GABRB1: variants seen among roughly 807,000 people sequenced by gnomAD.
GABRB1 encodes the protein gamma-aminobutyric acid type A receptor subunit beta1, also known as gamma-aminobutyric acid receptor subunit beta-1.
Under a neutral mutation model 51.6 loss-of-function variants are expected in GABRB1, and 17 were observed. The observed-to-expected ratio is 0.33, with a 90% CI of 0.23 to 0.49. The LOEUF is 0.49. GABRB1 is among the 20% of genes least tolerant of loss of function. GABRB1 has a pLI of 0.99. For synonymous variants in GABRB1, 247 were observed against 218.9 expected, an observed-to-expected ratio of 1.13 and a Z score of -1.14; for missense variants, 410 against 600.6, an observed-to-expected ratio of 0.68 and a Z score of 3.32.
At chr4:47,339,341 T>C (rs1180159830) in intron 5 of GABRB1, among the ~76,000 whole-genome samples, 1 of 152,204 alleles carries the variant, frequency 6.6e-6, no homozygotes, top group Admixed American at 6.5e-5. Context: ...AAACCAGGCA[T>C]TGAGCTGTTG....
chr4:47,283,677 C>A (rs967677550), intron 4 of GABRB1, among the ~76,000 whole-genome samples: 5 of 151,780 alleles, frequency 3.3e-5, no homozygotes, highest in Admixed American at 3.3e-4. Context: ...CTTGAGCCAC[C>A]GCACCCGGCC....
chr4:47,367,975 CTAAG>C (rs1669053975), intron 5 of GABRB1, among the ~76,000 whole-genome samples: 2 of 152,142 alleles, frequency 1.3e-5, no homozygotes, highest in African/African-American at 4.8e-5. Context: ...CAATATCTGC[CTAAG>C]TATCTATCGC....
intron 3 of GABRB1, among the ~76,000 whole-genome samples, chr4:47,123,882 A>T (rs1577929243): frequency 2.6e-5 from 2 of 77,322 alleles, no homozygotes; most frequent in African/African-American, 8.8e-5. Flanking sequence ...TCTTATATAT[A>T]ATATATATAA....
intron 1 of GABRB1, among the ~76,000 whole-genome samples, chr4:47,010,810 T>C (rs888558083): frequency 6.6e-6 from 1 of 152,216 alleles, no homozygotes; most frequent in African/African-American, 2.4e-5. Flanking sequence ...AGGACAATGA[T>C]AGTGCCTATT....
intron 4 of GABRB1, among the ~76,000 whole-genome samples, chr4:47,222,816 C>G (rs975529635): frequency 6.6e-6 from 1 of 152,120 alleles, no homozygotes; most frequent in Non-Finnish European, 1.5e-5. Context: ...TATTCCTCAT[C>G]TATAATTTTA....
intron 5 of GABRB1, among the ~76,000 whole-genome samples, chr4:47,378,078 C>T (rs996913609): frequency 4.6e-5 from 7 of 152,184 alleles, no homozygotes; most frequent in Non-Finnish European, 1.0e-4. Context: ...TGGGACTGGG[C>T]GCCGTAGAGC....
intron 4 of GABRB1, among the ~76,000 whole-genome samples, chr4:47,246,333 TGTAC>T (rs1332417219): frequency 1.3e-3 from 65 of 50,976 alleles, no homozygotes; most frequent in Admixed American, 3.0e-3. Flanking sequence ...CACACACATA[TGTAC>T]ATATATATAT....
chr4:47,414,623 A>G (rs1252685882), intron 8 of GABRB1, among the ~76,000 whole-genome samples: 1 of 152,176 alleles, frequency 6.6e-6, no homozygotes, highest in Non-Finnish European at 1.5e-5. Flanking sequence ...CACAATACCA[A>G]ATATGCAGTT....
intron 4 of GABRB1, among the ~76,000 whole-genome samples, chr4:47,276,734 A>C (rs1339813954): frequency 6.6e-6 from 1 of 152,112 alleles, no homozygotes; most frequent in Non-Finnish European, 1.5e-5. Context: ...CTTTGGCACT[A>C]TTGATATTTT....
At chr4:47,155,583 G>A (rs1431446644) in intron 3 of GABRB1, among the ~76,000 whole-genome samples, 1 of 151,914 alleles carries the variant, frequency 6.6e-6, no homozygotes, top group African/African-American at 2.4e-5. Context: ...TATGGGGGCA[G>A]TGAACAAGGG....
intron 5 of GABRB1, among the ~76,000 whole-genome samples, chr4:47,329,760 T>C (rs1725399358): frequency 1.3e-5 from 2 of 149,938 alleles, no homozygotes; most frequent in African/African-American, 2.4e-5. Context: ...GTATATATTA[T>C]ATACCAATAC....
At chr4:47,112,988 GT>G (rs1472204574) in intron 3 of GABRB1, among the ~76,000 whole-genome samples, 10 of 151,874 alleles carry the variant, frequency 6.6e-5, no homozygotes, top group African/African-American at 2.2e-4. Flanking sequence ...TAATTTTTAT[GT>G]GTCTACTTCT....
At chr4:47,160,491 T>A (rs926642440) in intron 3 of GABRB1, among the ~76,000 whole-genome samples, 5 of 152,142 alleles carry the variant, frequency 3.3e-5, no homozygotes, top group Non-Finnish European at 7.4e-5. Context: ...CAAAAGAATT[T>A]GGGGTGTGAA....
intron 4 of GABRB1, among the ~76,000 whole-genome samples, chr4:47,298,412 G>A (rs372197355): frequency 3.3e-5 from 5 of 152,088 alleles, no homozygotes; most frequent in Admixed American, 6.6e-5. Context: ...AAATCAATGT[G>A]CAAAAATCAC....
chr4:47,396,257 C>CA (rs1728177977), intron 5 of GABRB1, among the ~76,000 whole-genome samples: 1 of 152,066 alleles, frequency 6.6e-6, no homozygotes, highest in Non-Finnish European at 1.5e-5. Flanking sequence ...TTCCCCTTAT[C>CA]AAACCATCAG....
intron 8 of GABRB1, among the ~76,000 whole-genome samples, chr4:47,421,205 C>T (rs546372985): frequency 1.7e-4 from 25 of 151,246 alleles, no homozygotes; most frequent in African/African-American, 5.1e-4. Context: ...AGCTCAGTGA[C>T]GGAGAATACT....
chr4:47,294,666 C>G (rs113735644), intron 4 of GABRB1, among the ~76,000 whole-genome samples: 1 of 152,254 alleles, frequency 6.6e-6, no homozygotes, highest in Non-Finnish European at 1.5e-5. Context: ...TAGGCTCCAC[C>G]TCTGGGGGCA....
At chr4:47,035,746 A>G (rs1387083254) in intron 3 of GABRB1, among the ~76,000 whole-genome samples, 5 of 152,230 alleles carry the variant, frequency 3.3e-5, no homozygotes, top group South Asian at 2.1e-4. Context: ...TGTCCTTAAC[A>G]TAACCACTAA....
At chr4:47,375,005 A>G (rs1251844405) in intron 5 of GABRB1, among the ~76,000 whole-genome samples, 2 of 152,232 alleles carry the variant, frequency 1.3e-5, no homozygotes, top group East Asian at 3.8e-4. Flanking sequence ...AAGTCATACT[A>G]ATTTTTACCA....
Sources: gnomAD v4.1 joint callset for allele counts (sites outside exome capture counted in the v4.1 genomes callset) on GRCh38, gnomAD v4.1.1 for gene constraint, MANE v1.5 for transcripts, NCBI Gene and HGNC (gene_info 2026-07-23, HGNC 2026-07-21) for gene names.